SYCP1: variants seen among roughly 807,000 people sequenced by gnomAD.
SYCP1 encodes cancer/testis antigen 8.
In SYCP1, 64 loss-of-function variants were observed where a neutral mutation model predicts 153.1. The ratio of observed to expected loss-of-function variants is 0.42; its 90% CI spans 0.34 to 0.51. The LOEUF (loss-of-function observed/expected upper bound fraction) is 0.51, where lower values mean the gene tolerates loss of function less well. SYCP1 is among the 20% of genes least tolerant of loss of function. The probability of loss-of-function intolerance (pLI) is 0.06; values close to 1 mark genes in which losing one functional copy is unlikely to be tolerated. For missense variants in SYCP1, 997 were observed against 1,049.0 expected (o/e 0.95, Z 0.68); for synonymous variants, 384 against 341.8 (o/e 1.12, Z -1.36).
rs181243832 is a variant in SYCP1 at position 114,979,142 on chromosome 1, T to A, written c.2382+1526T>A. Among the ~76,000 whole-genome samples the A allele has an allele frequency of 3.0e-3, 455 of 151,670 alleles. 1 individual carries two copies. Among genetic ancestry groups the A allele is most frequent in the Middle Eastern group, 6.8e-3 (2 of 294 alleles). On this transcript the variant is annotated intron_variant, in intron 28 of 31. Coordinates refer to ENST00000369522, the MANE Select transcript of SYCP1 (RefSeq NM_003176.4). ...TGAAGAAATTTAACTAGGCTTTTTT[T>A]TTTTTTGCTGTGCTTTATTCCAACA...
intron 8 of SYCP1, among the ~76,000 whole-genome samples, chr1:114,872,993 T>C (rs1245729280): frequency 6.6e-6 from 1 of 152,142 alleles, no homozygotes; most frequent in African/African-American, 2.4e-5. Context: ...ATATGTAGCA[T>C]TTTTGTTTTG....
intron 29 of SYCP1, 110 bp downstream of exon 29, chr1:114,981,622 A>G: frequency 9.8e-7 from 1 of 1,018,900 alleles, no homozygotes. Context: ...AGTTTCTTGA[A>G]AGTTTCAATT....
At chr1:114,956,726 C>T (rs1054128534) in intron 27 of SYCP1, among the ~76,000 whole-genome samples, 2 of 152,308 alleles carry the variant, frequency 1.3e-5, no homozygotes, top group South Asian at 4.1e-4. Flanking sequence ...GCATGTCAAC[C>T]TTGGAGTCCT....
At chr1:114,988,097 G>GA (rs977800878) in intron 30 of SYCP1, among the ~76,000 whole-genome samples, 1 of 115,758 alleles carries the variant, frequency 8.6e-6, no homozygotes, top group African/African-American at 3.4e-5. Flanking sequence ...AAAAAAAAAA[G>GA]AAAAAGAAAA....
At chr1:114,901,495 G>A (rs1474883361) in intron 16 of SYCP1, among the ~76,000 whole-genome samples, 1 of 152,166 alleles carries the variant, frequency 6.6e-6, no homozygotes, top group Non-Finnish European at 1.5e-5. Context: ...GGGGAAGAGA[G>A]TCAATAAGCA....
At chr1:114,964,661 T>C (rs1333102808) in intron 27 of SYCP1, among the ~76,000 whole-genome samples, 1 of 152,272 alleles carries the variant, frequency 6.6e-6, no homozygotes, top group East Asian at 1.9e-4. Flanking sequence ...GTTTTTGTCA[T>C]GTTTGTCAAA....
chr1:114,858,729 A>G lies in SYCP1; in HGVS notation c.456+18A>G, dbSNP rs1402312293. On this transcript the variant is annotated intron_variant, in intron 6 of 31. Transcript: ENST00000369522. ...AACTGCAAGTATGACACAATTTTGCATTGTAAACATAGTATAGTAAATCTA... is the reference window on the plus strand; with the variant it reads ...AACTGCAAGTATGACACAATTTTGCGTTGTAAACATAGTATAGTAAATCTA... The G allele has an allele frequency of 6.3e-7, 1 of 1,593,780 alleles. No homozygotes were observed. Among genetic ancestry groups the G allele is most frequent in the Non-Finnish European group, 8.6e-7 (1 of 1,169,444 alleles).
intron 27 of SYCP1, 134 bp downstream of exon 27, chr1:114,947,454 G>A (rs1283035661): frequency 3.2e-6 from 2 of 629,162 alleles, no homozygotes; most frequent in Non-Finnish European, 5.3e-6. Flanking sequence ...TCCCCCAGAA[G>A]CTTTTTTCTA....
chr1:114,899,611 C>A (rs758083883), intron 16 of SYCP1, among the ~76,000 whole-genome samples: 13 of 152,158 alleles, frequency 8.5e-5, no homozygotes, highest in Non-Finnish European at 1.6e-4. Flanking sequence ...AGGGTAGTTA[C>A]AATTAGAAAC....
At chr1:114,878,966 A>G (rs1027136682) in intron 12 of SYCP1, among the ~76,000 whole-genome samples, 2 of 152,232 alleles carry the variant, frequency 1.3e-5, no homozygotes, top group African/African-American at 4.8e-5. Flanking sequence ...AAAGTTTACT[A>G]GACAGTGAAC....
At chr1:114,888,422 T>TA (rs1666458258) in intron 15 of SYCP1, among the ~76,000 whole-genome samples, 1 of 151,992 alleles carries the variant, frequency 6.6e-6, no homozygotes, top group South Asian at 2.1e-4. Context: ...AATTATCAAC[T>TA]AAAATATTAT....
At chr1:114,970,595 T>C (rs1672423080) in intron 27 of SYCP1, among the ~76,000 whole-genome samples, 1 of 151,962 alleles carries the variant, frequency 6.6e-6, no homozygotes, top group Non-Finnish European at 1.5e-5. Flanking sequence ...TTTTGTCCCA[T>C]GGGGTGATCC....
At chr1:114,969,230 C>T (rs1170058735) in intron 27 of SYCP1, among the ~76,000 whole-genome samples, 3 of 152,216 alleles carry the variant, frequency 2.0e-5, no homozygotes, top group Non-Finnish European at 2.9e-5. Context: ...CCTCTGCTCT[C>T]TTCAGAGCTG....
chr1:114,933,812 T>C (rs910855598), intron 23 of SYCP1, among the ~76,000 whole-genome samples: 1 of 152,084 alleles, frequency 6.6e-6, no homozygotes, highest in South Asian at 2.1e-4. Flanking sequence ...GTATCAGTGA[T>C]TGAAGATCAA....
chr1:114,945,727 T>C (rs1468800024), intron 25 of SYCP1, among the ~76,000 whole-genome samples: 1 of 152,182 alleles, frequency 6.6e-6, no homozygotes, highest in Non-Finnish European at 1.5e-5. Context: ...TGTAATTTTC[T>C]CTGATAACTT....
intron 20 of SYCP1, among the ~76,000 whole-genome samples, chr1:114,915,399 C>T (rs1165104666): frequency 6.6e-6 from 1 of 152,158 alleles, no homozygotes; most frequent in African/African-American, 2.4e-5. Context: ...TATGCTTTTT[C>T]TTGCCTTATT....
Position 114,926,064 on chromosome 1 carries a change from A to G in SYCP1, c.1801-214A>G, listed in dbSNP as rs920901198. ...TGGGGTGAGAGGATCACTTGAACCCAGGAGTTGGAAGTTGCAGTGAGCTAT... is the reference window on the plus strand; with the variant it reads ...TGGGGTGAGAGGATCACTTGAACCCGGGAGTTGGAAGTTGCAGTGAGCTAT... On this transcript the variant is annotated intron_variant, in intron 21 of 31. Coordinates refer to ENST00000369522, the MANE Select transcript of SYCP1 (RefSeq NM_003176.4). Among the ~76,000 whole-genome samples the G allele has an allele frequency of 2.6e-5, 4 of 152,066 alleles. No individual in the cohort carries two copies. The South Asian group carries it at 6.2e-4, about 24-fold the overall frequency.
chr1:114,971,240 C>T lies in SYCP1; in HGVS notation c.2323-6317C>T, dbSNP rs533514013. ...ACCATCAGGTGGGGGCAGGGTTAGG[C>T]GTTTCTGAGCTCAGACTTTCCTTGG... On this transcript the variant is annotated intron_variant, in intron 27 of 31. Transcript: ENST00000369522. 9.2e-5 allele frequency among the ~76,000 whole-genome samples: 14 copies of T among 152,144 alleles called. No homozygotes were observed. The South Asian group carries it at 2.9e-3, about 32-fold the overall frequency.
chr1:114,855,840 T>C (rs1235604554), intron 2 of SYCP1, among the ~76,000 whole-genome samples: 1 of 152,184 alleles, frequency 6.6e-6, no homozygotes, highest in Non-Finnish European at 1.5e-5. Context: ...ATTTGATTCG[T>C]GGCAACTTAT....
Sources: allele counts gnomAD v4.1 joint callset (sites outside exome capture counted in the v4.1 genomes callset), GRCh38; gene constraint gnomAD v4.1.1; transcripts MANE v1.5; gene names NCBI Gene and HGNC (gene_info 2026-07-23, HGNC 2026-07-21).